DGKB: variants seen among roughly 807,000 people sequenced by gnomAD.
DGKB encodes the protein 90 kDa diacylglycerol kinase.
A neutral mutation model predicts 114.3 loss-of-function variants in DGKB; 67 were observed. The ratio of observed to expected loss-of-function variants is 0.59; its 90% CI spans 0.48 to 0.72. DGKB has a LOEUF of 0.72. Among genes scored for constraint, DGKB ranks in the 30% least tolerant of loss-of-function variants. DGKB has a pLI of 0.00. For synonymous variants in DGKB, 398 were observed against 323.1 expected, an observed-to-expected ratio of 1.23 and a Z score of -2.49; for missense variants, 907 against 975.2, an observed-to-expected ratio of 0.93 and a Z score of 0.93.
At chr7:14,633,020 G>A (rs1049515224) in intron 13 of DGKB, among the ~76,000 whole-genome samples, 3 of 151,692 alleles carry the variant, frequency 2.0e-5, no homozygotes, top group Non-Finnish European at 4.4e-5. Flanking sequence ...CCCATTTGAA[G>A]TTATCCAAAA....
intron 17 of DGKB, among the ~76,000 whole-genome samples, chr7:14,600,920 A>G (rs537636251): frequency 5.3e-5 from 8 of 152,246 alleles, no homozygotes; most frequent in African/African-American, 1.9e-4. Flanking sequence ...TGGCTTTACT[A>G]GCCTGGAGTC....
chr7:14,272,612 T>C (rs1307199632), intron 23 of DGKB, among the ~76,000 whole-genome samples: 1 of 152,180 alleles, frequency 6.6e-6, no homozygotes, highest in East Asian at 1.9e-4. Context: ...CTTAACTGTA[T>C]CTATGGTCAC....
At chr7:14,237,589 T>C (rs1329140150) in intron 23 of DGKB, among the ~76,000 whole-genome samples, 1 of 151,976 alleles carries the variant, frequency 6.6e-6, no homozygotes, top group Admixed American at 6.6e-5. Flanking sequence ...ATTTTAAAAA[T>C]GCCATTTGAA....
At chr7:14,533,670 T>C (rs985462206) in intron 20 of DGKB, among the ~76,000 whole-genome samples, 1 of 151,804 alleles carries the variant, frequency 6.6e-6, no homozygotes, top group African/African-American at 2.4e-5. Context: ...GAGAGAATTT[T>C]GAAAGCAATA....
chr7:14,945,487 A>T (rs1210430230), intron 1 of DGKB, among the ~76,000 whole-genome samples: 1 of 151,832 alleles, frequency 6.6e-6, no homozygotes, highest in East Asian at 1.9e-4. Context: ...ATGTACTTAC[A>T]ATATTAAAAA....
chr7:14,740,474 C>A (rs1214981316), intron 4 of DGKB, among the ~76,000 whole-genome samples: 1 of 152,066 alleles, frequency 6.6e-6, no homozygotes, highest in East Asian at 1.9e-4. Flanking sequence ...TTTGAGAGGA[C>A]CCAATTTTAG....
At chr7:14,779,482 G>A (rs1838745579) in intron 2 of DGKB, among the ~76,000 whole-genome samples, 1 of 151,994 alleles carries the variant, frequency 6.6e-6, no homozygotes, top group African/African-American at 2.4e-5. Flanking sequence ...GCTGCAGTGA[G>A]GCAAGATCAT....
At chr7:14,440,205 C>T (rs1371848259) in intron 21 of DGKB, among the ~76,000 whole-genome samples, 1 of 152,106 alleles carries the variant, frequency 6.6e-6, no homozygotes, top group African/African-American at 2.4e-5. Context: ...CACTAACAGG[C>T]TTCAGATTTG....
At chr7:14,191,914 T>C (rs192125312) in intron 23 of DGKB, 126 of 609,472 alleles carry the variant, frequency 2.1e-4, no homozygotes, top group Non-Finnish European at 3.3e-4. Context: ...ATTGCCAGTC[T>C]GGTAAAAAGC....
upstream of DGKB, among the ~76,000 whole-genome samples, chr7:14,907,108 G>A (rs147597828): frequency 2.7e-3 from 410 of 152,230 alleles, 1 homozygote; most frequent in African/African-American, 9.6e-3. Flanking sequence ...ATGAATCAGT[G>A]GGACATAAGC....
chr7:14,347,060 C>A (rs1316468240), intron 21 of DGKB, among the ~76,000 whole-genome samples: 1 of 151,898 alleles, frequency 6.6e-6, no homozygotes, highest in African/African-American at 2.4e-5. Flanking sequence ...ATGCAATTAC[C>A]TTTGTCCCCA....
intron 20 of DGKB, among the ~76,000 whole-genome samples, chr7:14,532,396 T>C (rs141438836): frequency 5.1e-4 from 77 of 151,576 alleles, no homozygotes; most frequent in African/African-American, 1.8e-3. Context: ...ACAAGAATTA[T>C]GCTTTAGAAC....
intron 1 of DGKB, among the ~76,000 whole-genome samples, chr7:14,927,583 T>C (rs1252424467): frequency 6.6e-6 from 1 of 151,620 alleles, no homozygotes; most frequent in African/African-American, 2.4e-5. Context: ...GAAGTCATGG[T>C]CAAAAAATAT....
intron 2 of DGKB, among the ~76,000 whole-genome samples, chr7:14,772,027 T>G (rs546136518): frequency 6.6e-6 from 1 of 152,248 alleles, no homozygotes; most frequent in African/African-American, 2.4e-5. Flanking sequence ...CAGAAAATGT[T>G]TAAATTTACC....
At chr7:14,435,071 T>C (rs919919387) in intron 21 of DGKB, among the ~76,000 whole-genome samples, 8 of 152,154 alleles carry the variant, frequency 5.3e-5, no homozygotes, top group Non-Finnish European at 7.4e-5. Flanking sequence ...TTTTGCCTAC[T>C]GCTCACCTTA....
chr7:14,461,864 C>T (rs28890578), intron 21 of DGKB, among the ~76,000 whole-genome samples: 4,941 of 152,248 alleles, frequency 0.032, 238 homozygotes, highest in African/African-American at 0.11. Flanking sequence ...CAGTAAAATA[C>T]TGGCAAAGCA....
chr7:14,452,910 A>G (rs1372247700), intron 21 of DGKB, among the ~76,000 whole-genome samples: 4 of 152,120 alleles, frequency 2.6e-5, no homozygotes, highest in African/African-American at 9.6e-5. Flanking sequence ...CTTGATTTGC[A>G]AAACCAATAT....
At chr7:14,550,916 T>C (rs1337099836) in intron 20 of DGKB, among the ~76,000 whole-genome samples, 1 of 152,194 alleles carries the variant, frequency 6.6e-6, no homozygotes, top group African/African-American at 2.4e-5. Flanking sequence ...CCAATTATAT[T>C]CATCTCACGA....
In DGKB at chr7:14,913,412, T is replaced by G. The variant is rs538636964; in HGVS notation, c.-188+61284A>C. Among the ~76,000 whole-genome samples the G allele has an allele frequency of 4.6e-5, 7 of 151,016 alleles. 1 individual carries two copies. In the South Asian group the frequency reaches 1.5e-3, roughly 32 times the overall value. On this transcript the variant is annotated intron_variant, in intron 1 of 4. Transcript: ENST00000437998. ...GCTCTCACTAAAACATGTAACTTCTTGAGGTTATGTATCCTAATCATCATA... is the reference window on the plus strand; with the variant it reads ...GCTCTCACTAAAACATGTAACTTCTGGAGGTTATGTATCCTAATCATCATA...
Sources: allele counts gnomAD v4.1 joint callset (sites outside exome capture counted in the v4.1 genomes callset), GRCh38; gene constraint gnomAD v4.1.1; transcripts MANE v1.5; gene names NCBI Gene and HGNC (gene_info 2026-07-23, HGNC 2026-07-21).